Variants in FBXO47 observed in about 807,000 individuals in gnomAD.
FBXO47 encodes the protein F-box protein 47.
FBXO47 carries 34 observed loss-of-function variants against 53.9 expected under a neutral mutation model. That is an observed-to-expected ratio of 0.63 (90% CI 0.48 to 0.84). The LOEUF is 0.84. Among genes scored for constraint, FBXO47 ranks in the 40% least tolerant of loss-of-function variants. The probability of loss-of-function intolerance (pLI) is 0.00; values close to 1 mark genes in which losing one functional copy is unlikely to be tolerated. For missense variants in FBXO47, 485 were observed against 541.3 expected (o/e 0.90, Z 1.03); for synonymous variants, 165 against 181.6 (o/e 0.91, Z 0.73).
chr17:38,941,547 A>G (rs1410514984), intron 9 of FBXO47, among the ~76,000 whole-genome samples: 3 of 149,478 alleles, frequency 2.0e-5, no homozygotes, highest in Non-Finnish European at 4.4e-5. Flanking sequence ...GGGCTCAAGA[A>G]TCTCATAATT....
At chr17:38,946,127 TATACATATATAA>T (rs1904774378) in intron 6 of FBXO47, among the ~76,000 whole-genome samples, 1 of 123,326 alleles carries the variant, frequency 8.1e-6, no homozygotes, top group Admixed American at 9.9e-5. Flanking sequence ...AATAAATATA[TATACATATATAA>T]ATATATAAAT....
intron 6 of FBXO47, among the ~76,000 whole-genome samples, chr17:38,947,085 T>TATATAA: frequency 8.8e-6 from 1 of 113,934 alleles, no homozygotes; most frequent in African/African-American, 3.3e-5. Context: ...TATATAAACA[T>TATATAA]ATATATAAAC....
chr17:38,938,707 A>G lies in FBXO47; in HGVS notation c.1109T>C (p.Met370Thr). Residue 370 changes from methionine (M) to threonine (T), a missense_variant, in exon 10 of 11, where the codon ATG becomes ACG. Met to Thr is a moderately conservative substitution (Grantham distance 81, BLOSUM62 -1). Coordinates refer to ENST00000378079, the MANE Select transcript of FBXO47 (RefSeq NM_001008777.3). ...ALVCEKELYC[M>T]DWTVKMMQKV... ...TTGCATCATTTTAACTGTCCAATCCATGCAGTACAGTTCTTTCTCACACAC... is the reference window on the plus strand; with the variant it reads ...TTGCATCATTTTAACTGTCCAATCCGTGCAGTACAGTTCTTTCTCACACAC... 1 of 1,606,724 alleles carries G rather than the reference A, an allele frequency of 6.2e-7. No individual in the cohort carries two copies. The highest frequency in any genetic ancestry group is 8.5e-7 in the Non-Finnish European group (1 of 1,174,412).
At chr17:38,962,705 C>T (rs569684810) in intron 2 of FBXO47, 140 bp downstream of exon 2, 43 of 416,036 alleles carry the variant, frequency 1.0e-4, no homozygotes, top group African/African-American at 7.9e-4. Flanking sequence ...AATAATGAAA[C>T]TTTAGAAAAT....
At chr17:38,945,232 T>A in intron 6 of FBXO47, 96 bp from the exon 7 acceptor site, 2 of 858,660 alleles carry the variant, frequency 2.3e-6, no homozygotes, top group Non-Finnish European at 3.7e-6. Flanking sequence ...TTATGGTTAG[T>A]GATAGTAAAC....
chr17:38,937,673 A>AT (rs1354785899), intron 10 of FBXO47, among the ~76,000 whole-genome samples: 4 of 151,518 alleles, frequency 2.6e-5, no homozygotes, highest in Non-Finnish European at 4.4e-5. Flanking sequence ...TTATTTATTT[A>AT]TTATTATTTT....
chr17:38,963,014 T>G lies in FBXO47; in HGVS notation c.12A>C (p.Arg4Ser). 6.2e-7 allele frequency: 1 copy of G among 1,611,814 alleles called. No individual in the cohort carries two copies. The highest frequency in any genetic ancestry group is 8.5e-7 in the Non-Finnish European group (1 of 1,178,326). Residue 4 changes from arginine to serine, a missense_variant, in exon 2 of 11, where the codon AGA becomes AGC. Physicochemically the swap from Arg to Ser is moderately radical, Grantham distance 110. Coordinates refer to ENST00000378079, the MANE Select transcript of FBXO47 (RefSeq NM_001008777.3). ...GAATCAAAGTGAAATTTGTATTTAT[T>G]CTGGATGCCATTCTTCTTCTTGTCT... is the stretch of plus-strand genomic sequence containing the variant. MASRINTNFTLIPN... is the reference protein window; with the variant it reads MASSINTNFTLIPN...
At chr17:38,962,573 T>C (rs2143968218) in intron 2 of FBXO47, among the ~76,000 whole-genome samples, 1 of 150,810 alleles carries the variant, frequency 6.6e-6, no homozygotes, top group South Asian at 2.1e-4. Context: ...GCCACTGCAC[T>C]TCAGCTTGGG....
At chr17:38,944,233 G>GTGTGTGTGTA (rs1364002882) in intron 7 of FBXO47, among the ~76,000 whole-genome samples, 1 of 143,358 alleles carries the variant, frequency 7.0e-6, no homozygotes, top group African/African-American at 2.5e-5. Context: ...GTGTGTGTGT[G>GTGTGTGTGTA]TATGCTTCTT....
In FBXO47 at chr17:38,943,803, G is replaced by A. The variant is rs76931716; in HGVS notation, c.794-67C>T. 2,057 of 1,416,788 alleles carry A rather than the reference G, an allele frequency of 1.5e-3. 49 individuals carry two copies. The East Asian group carries it at 0.043, about 30-fold the overall frequency. 87.8% of individuals were successfully genotyped at this position (1,416,788 alleles called of 1,614,324 possible). A position where few individuals can be genotyped will look rare whatever the true frequency, so the allele number is the denominator to read the frequency against. ...TTTGTGATAAAGACTTGTTTAAAAAGGAAAGTGAATTGCACAATGGAATCC... is the reference window on the plus strand; with the variant it reads ...TTTGTGATAAAGACTTGTTTAAAAAAGAAAGTGAATTGCACAATGGAATCC... On this transcript the variant is annotated intron_variant, in intron 7 of 10. Transcript: ENST00000378079.
In FBXO47 at chr17:38,948,690, G is replaced by A. The variant is rs115665327; in HGVS notation, c.616+2891C>T. Among the ~76,000 whole-genome samples the A allele has an allele frequency of 4.4e-3, 666 of 151,734 alleles. 3 individuals are homozygous for A. Among genetic ancestry groups the A allele is most frequent in the African/African-American group, 0.015 (614 of 41,348 alleles). ...AGAGGTACATGTGCAAGATGTGCAG[G>A]TTACACAGGTAAACGTGTACCATGA... On this transcript the variant is annotated intron_variant, in intron 6 of 10. Coordinates refer to ENST00000378079, the MANE Select transcript of FBXO47 (RefSeq NM_001008777.3).
At chr17:38,937,821 C>T (rs1406338106) in intron 10 of FBXO47, among the ~76,000 whole-genome samples, 1 of 152,144 alleles carries the variant, frequency 6.6e-6, no homozygotes, top group Non-Finnish European at 1.5e-5. Context: ...GCGCCTGCCA[C>T]CACGCCCAGC....
intron 4 of FBXO47, among the ~76,000 whole-genome samples, chr17:38,955,607 T>G (rs963259864): frequency 1.3e-5 from 2 of 151,572 alleles, no homozygotes; most frequent in African/African-American, 4.8e-5. Context: ...GCCTGGCTAA[T>G]TTTTGTACTT....
chr17:38,944,765 G>A (rs1178007871), intron 7 of FBXO47, among the ~76,000 whole-genome samples, 195 bp downstream of exon 7: 1 of 151,838 alleles, frequency 6.6e-6, no homozygotes, highest in Admixed American at 6.6e-5. Context: ...CAGCTACTTG[G>A]GAGGCTGAGG....
intron 6 of FBXO47, among the ~76,000 whole-genome samples, chr17:38,950,204 C>A (rs1429771112): frequency 6.6e-6 from 1 of 151,930 alleles, no homozygotes; most frequent in Non-Finnish European, 1.5e-5. Flanking sequence ...TCCTGGTAAC[C>A]TCAAATCTAC....
intron 6 of FBXO47, 50 bp downstream of exon 6, chr17:38,951,526 GTTTAT>G (rs1905282311): frequency 3.0e-6 from 4 of 1,322,010 alleles, no homozygotes; most frequent in South Asian, 1.3e-5. Flanking sequence ...TTAAAACTCT[GTTTAT>G]TTTTTCTATT....
At chr17:38,960,242 G>A (rs1043854555) in intron 3 of FBXO47, among the ~76,000 whole-genome samples, 2 of 151,716 alleles carry the variant, frequency 1.3e-5, no homozygotes, top group South Asian at 2.1e-4. Context: ...GGGCCAGCCT[G>A]GGCAACACTG....
At chr17:38,941,428 C>T (rs1904499557) in intron 9 of FBXO47, among the ~76,000 whole-genome samples, 1 of 150,882 alleles carries the variant, frequency 6.6e-6, no homozygotes, top group African/African-American at 2.5e-5. Context: ...ACTCAGTCTC[C>T]CAAAGTGCTG....
At chr17:38,946,119 T>TATATATTTATATATAAATACATAAAA (rs1904772527) in intron 6 of FBXO47, among the ~76,000 whole-genome samples, 1 of 122,786 alleles carries the variant, frequency 8.1e-6, no homozygotes, top group African/African-American at 3.2e-5. Context: ...AATACATAAA[T>TATATATTTATATATAAATACATAAAA]AAATATATAT....
Sources: gnomAD v4.1 joint callset for allele counts (sites outside exome capture counted in the v4.1 genomes callset) on GRCh38, gnomAD v4.1.1 for gene constraint, MANE v1.5 for transcripts, NCBI Gene and HGNC (gene_info 2026-07-23, HGNC 2026-07-21) for gene names.